Variants in ADORA2B observed in about 807,000 individuals in gnomAD.
ADORA2B encodes adenosine receptor A2b.
A neutral mutation model predicts 20.8 loss-of-function variants in ADORA2B; 18 were observed. The observed-to-expected ratio is 0.87, with a 90% CI of 0.60 to 1.29. The LOEUF (loss-of-function observed/expected upper bound fraction) is 1.29, where lower values mean the gene tolerates loss of function less well. Ranked by LOEUF, ADORA2B falls within the 50% of genes most tolerant of loss-of-function variation. The pLI is 0.00. For missense variants in ADORA2B, 441 were observed against 422.7 expected, an observed-to-expected ratio of 1.04 and a Z score of -0.38; for synonymous variants, 179 against 178.3, an observed-to-expected ratio of 1.00 and a Z score of -0.03.
intron 1 of ADORA2B, among the ~76,000 whole-genome samples, chr17:15,952,609 A>G (rs1276224028): frequency 6.6e-6 from 1 of 152,150 alleles, no homozygotes; most frequent in Non-Finnish European, 1.5e-5. Context: ...GACACTGGCA[A>G]ATTGTGATTA....
chr17:15,890,133 C>T, the ADORA2B span, among the ~76,000 whole-genome samples: 33 of 129,262 alleles, frequency 2.6e-4, 8 homozygotes, highest in African/African-American at 6.3e-4. Flanking sequence ...TCCCATCAAC[C>T]GATATAAGAC....
the ADORA2B span, among the ~76,000 whole-genome samples, chr17:15,925,400 C>T: frequency 3.3e-5 from 5 of 152,172 alleles, no homozygotes; most frequent in African/African-American, 1.2e-4. Flanking sequence ...CCTGCTACCT[C>T]AGCCTCCCAA....
intron 1 of ADORA2B, 155 bp from the exon 2 acceptor site, chr17:15,974,524 G>T: frequency 1.6e-6 from 1 of 620,326 alleles, no homozygotes; most frequent in Non-Finnish European, 2.8e-6. Context: ...ATCCCTGCTT[G>T]CATGTCTTTA....
At chr17:15,915,255 C>T in the ADORA2B span, among the ~76,000 whole-genome samples, 1 of 152,198 alleles carries the variant, frequency 6.6e-6, no homozygotes, top group African/African-American at 2.4e-5. Flanking sequence ...TCACATCTCC[C>T]CTGGTTCTCT....
In ADORA2B at chr17:15,975,592, T is replaced by C; in HGVS notation, c.*250T>C. 1 of 498,258 alleles carries C rather than the reference T, an allele frequency of 2.0e-6. No homozygotes were observed. Among genetic ancestry groups the C allele is most frequent in the Non-Finnish European group, 3.5e-6 (1 of 282,066 alleles). The allele number at this position is 498,258 out of a possible 1,614,324, so 30.9% of individuals were successfully genotyped here. On this transcript the variant is annotated 3_prime_UTR_variant, in exon 2 of 2. Transcript: ENST00000304222. The stretch of plus-strand genomic sequence containing the variant: ...GGATTATGCCAACAGCTTGAATGGA[T>C]TCTAACAGACTCTTTTGTTTTTAAA...
the ADORA2B span, among the ~76,000 whole-genome samples, chr17:15,887,994 A>G: frequency 1.8e-5 from 2 of 112,234 alleles, 1 homozygote; most frequent in African/African-American, 8.1e-5. Context: ...AAAAAAGATA[A>G]GCAGAAGTTG....
intron 1 of ADORA2B, among the ~76,000 whole-genome samples, chr17:15,960,700 T>TTAGCCACA (rs1238619900): frequency 4.0e-5 from 6 of 150,826 alleles, no homozygotes; most frequent in African/African-American, 1.5e-4. Flanking sequence ...TGAAACCCCG[T>TTAGCCACA]CTCTACTAAA....
chr17:15,887,936 G>A, the ADORA2B span, among the ~76,000 whole-genome samples: 5 of 73,096 alleles, frequency 6.8e-5, 1 homozygote, highest in Non-Finnish European at 1.2e-4. Flanking sequence ...GGGCGACAGA[G>A]AGCCAAGACT....
At chr17:15,870,396 T>C in the ADORA2B span, among the ~76,000 whole-genome samples, 1 of 152,068 alleles carries the variant, frequency 6.6e-6, no homozygotes, top group African/African-American at 2.4e-5. Context: ...CCCAGCACTT[T>C]GGGAGGCCAA....
intron 1 of ADORA2B, among the ~76,000 whole-genome samples, chr17:15,961,699 C>T (rs189216047): frequency 2.0e-5 from 3 of 152,264 alleles, no homozygotes; most frequent in East Asian, 3.9e-4. Context: ...CAGCATCTGG[C>T]GAGGGCCTTC....
At chr17:15,870,534 G>T in the ADORA2B span, among the ~76,000 whole-genome samples, 17 of 151,508 alleles carry the variant, frequency 1.1e-4, no homozygotes, top group Non-Finnish European at 2.4e-4. Context: ...GATAGCTTGA[G>T]CCCAGGAGGC....
Position 15,974,712 on chromosome 17 carries a change from AG to A in ADORA2B, c.373del (p.Val125SerfsTer14), listed in dbSNP as rs767993719. ...GTTTGGTCACGGGGACCCGAGCAAG[AG>A]GGGTCATTGCTGTCCTCTGGGTCCT... ...KSLVTGTRAR[G>X]VIAVLWVLAF... On this transcript the variant is annotated frameshift_variant, in exon 2 of 2. Transcript: ENST00000304222. LOFTEE classifies it high-confidence loss of function. The A allele has an allele frequency of 1.2e-6, 2 of 1,614,088 alleles. No homozygotes were observed. Among genetic ancestry groups the A allele is most frequent in the South Asian group, 2.2e-5 (2 of 91,070 alleles).
the ADORA2B span, among the ~76,000 whole-genome samples, chr17:15,897,702 C>T: frequency 7.2e-5 from 11 of 152,084 alleles, no homozygotes; most frequent in South Asian, 2.1e-4. Context: ...TTTTAAAAGA[C>T]GTTCAATCTC....
At chr17:15,879,075 GTT>G in the ADORA2B span, among the ~76,000 whole-genome samples, 3 of 152,158 alleles carry the variant, frequency 2.0e-5, no homozygotes, top group Admixed American at 6.5e-5. Context: ...TATAAATAAA[GTT>G]TTGTGTTAAT....
At chr17:15,866,714 T>G in the ADORA2B span, among the ~76,000 whole-genome samples, 2 of 150,364 alleles carry the variant, frequency 1.3e-5, no homozygotes, top group African/African-American at 5.0e-5. Context: ...CCGCTGCCGC[T>G]GCCTCTGCCG....
At chr17:15,868,888 T>C in the ADORA2B span, among the ~76,000 whole-genome samples, 3 of 150,992 alleles carry the variant, frequency 2.0e-5, no homozygotes, top group Admixed American at 6.6e-5. Flanking sequence ...ATAATAAATA[T>C]AGTTTGAAGG....
At chr17:15,918,020 T>C in the ADORA2B span, among the ~76,000 whole-genome samples, 1 of 152,210 alleles carries the variant, frequency 6.6e-6, no homozygotes, top group Non-Finnish European at 1.5e-5. Context: ...CGAGGCACCT[T>C]AGACTGGGCA....
At chr17:15,954,362 T>C (rs556257275) in intron 1 of ADORA2B, among the ~76,000 whole-genome samples, 1 of 152,308 alleles carries the variant, frequency 6.6e-6, no homozygotes, top group South Asian at 2.1e-4. Context: ...GTTTACCATC[T>C]GGAAATTAGA....
the ADORA2B span, among the ~76,000 whole-genome samples, chr17:15,898,494 G>A: frequency 1.9e-4 from 25 of 130,836 alleles, no homozygotes; most frequent in South Asian, 2.5e-3. Context: ...TCAAAATCCC[G>A]AGTAGCTGGG....
Sources: allele counts gnomAD v4.1 joint callset (sites outside exome capture counted in the v4.1 genomes callset), GRCh38; gene constraint gnomAD v4.1.1; transcripts MANE v1.5; gene names NCBI Gene and HGNC (gene_info 2026-07-23, HGNC 2026-07-21).